Variants in HMGCLL1 observed in about 807,000 individuals in gnomAD.
HMGCLL1 encodes the protein 3-hydroxymethyl-3-methylglutaryl-CoA lyase, cytoplasmic.
A neutral mutation model predicts 39.1 loss-of-function variants in HMGCLL1; 36 were observed. The observed-to-expected ratio is 0.92, with a 90% CI of 0.71 to 1.22. The LOEUF is 1.22. Among genes scored for constraint, HMGCLL1 ranks in the 50% most tolerant of loss-of-function variants. The pLI is 0.00. For synonymous variants in HMGCLL1, 149 were observed against 144.0 expected, an observed-to-expected ratio of 1.03 and a Z score of -0.25; for missense variants, 451 against 416.5, an observed-to-expected ratio of 1.08 and a Z score of -0.72.
intron 4 of HMGCLL1, among the ~76,000 whole-genome samples, 167 bp from the exon 5 acceptor site, chr6:55,514,363 T>C (rs1439504183): frequency 2.0e-5 from 3 of 152,120 alleles, no homozygotes; most frequent in Non-Finnish European, 4.4e-5. Flanking sequence ...TCTTTCGAAA[T>C]GTAAAAATAT....
At position 55,481,100 on chromosome 6, in the gene HMGCLL1, G is replaced by A. The variant is rs561101603; in HGVS notation, c.795+14319C>T. On this transcript the variant is annotated intron_variant, in intron 7 of 8. Coordinates refer to ENST00000274901, the MANE Select transcript of HMGCLL1 (RefSeq NM_001042406.2). ...TACAGCCAACAATAATTTATTGCAG[G>A]CTGGGCACAGTGGCTCACGCCTAGA... Among the ~76,000 whole-genome samples, 105 of 152,262 alleles carry A rather than the reference G, an allele frequency of 6.9e-4. 1 individual carries two copies. Among genetic ancestry groups the A allele is most frequent in the African/African-American group, 2.5e-3 (104 of 41,562 alleles).
the HMGCLL1 span, among the ~76,000 whole-genome samples, chr6:55,675,072 T>C: frequency 6.6e-6 from 1 of 152,156 alleles, no homozygotes. Flanking sequence ...AGAAGTATTT[T>C]GTTGCATCAT....
In HMGCLL1 at chr6:55,435,505, C is replaced by T; in HGVS notation, c.*157G>A. 1 of 407,278 alleles carries T rather than the reference C, an allele frequency of 2.5e-6. No homozygotes were observed. The highest frequency in any genetic ancestry group is 4.2e-5 in the Admixed American group (1 of 23,890). 25.2% of individuals were successfully genotyped at this position (407,278 alleles called of 1,614,324 possible). A position where few individuals can be genotyped will look rare whatever the true frequency, so the allele number is the denominator to read the frequency against. ...GATGACTGATATTGCATTTTGTTGA[C>T]TTAATCTATCCAGTTATAATCTTTT... On this transcript the variant is annotated 3_prime_UTR_variant, in exon 9 of 9. Coordinates refer to ENST00000274901, the MANE Select transcript of HMGCLL1 (RefSeq NM_001042406.2).
rs779895198 is a variant in HMGCLL1, at chr6:55,495,399, A to T, written c.795+20T>A. 8.8e-6 allele frequency: 14 copies of T among 1,596,966 alleles called. No individual in the cohort carries two copies. Among genetic ancestry groups the T allele is most frequent in the Non-Finnish European group, 1.2e-5 (14 of 1,166,816 alleles). On this transcript the variant is annotated intron_variant, in intron 7 of 8. Coordinates refer to ENST00000274901, the MANE Select transcript of HMGCLL1 (RefSeq NM_001042406.2). ...TGAACACCCTATGCACACACATAAC[A>T]CACAAAGAGTACAAAATACCTGAAG...
intron 1 of HMGCLL1, chr6:55,576,957 A>T (rs192237232): frequency 9.2e-6 from 12 of 1,303,684 alleles, no homozygotes; most frequent in East Asian, 7.1e-5. Flanking sequence ...CAAGAGAAAT[A>T]GGGGAATGTA....
chr6:55,572,565 T>C (rs763272037), intron 1 of HMGCLL1, among the ~76,000 whole-genome samples: 2 of 152,242 alleles, frequency 1.3e-5, no homozygotes, highest in South Asian at 4.1e-4. Context: ...ATTTTTTCCA[T>C]ACAATATTTT....
chr6:55,670,376 C>T, the HMGCLL1 span, among the ~76,000 whole-genome samples: 1 of 151,722 alleles, frequency 6.6e-6, no homozygotes, highest in South Asian at 2.1e-4. Context: ...TCAGACAAAA[C>T]AGAAATTATA....
At position 55,515,253 on chromosome 6, in the gene HMGCLL1, G is replaced by GA. The variant is rs34439584; in HGVS notation, c.394-1058dup. Among the ~76,000 whole-genome samples the GA allele has an allele frequency of 4.0e-3, 535 of 134,676 alleles. 1 individual carries two copies. Among genetic ancestry groups the GA allele is most frequent in the South Asian group, 0.022 (91 of 4,088 alleles). The allele number at this position is 134,676 out of a possible 152,430, so 88.4% of individuals were successfully genotyped here. The stretch of plus-strand genomic sequence containing the variant: ...GGCGACAGAGCAAAGCTCCATCTCA[G>GA]AAAAAAAAAAAAAAATACATGGGGG... On this transcript the variant is annotated intron_variant, in intron 4 of 8. Coordinates refer to ENST00000274901, the MANE Select transcript of HMGCLL1 (RefSeq NM_001042406.2).
chr6:55,446,430 C>G (rs1763843648), intron 7 of HMGCLL1, among the ~76,000 whole-genome samples: 1 of 151,608 alleles, frequency 6.6e-6, no homozygotes, highest in African/African-American at 2.4e-5. Context: ...AACTCAATGG[C>G]CCAGGATACC....
chr6:55,671,372 G>A, the HMGCLL1 span, among the ~76,000 whole-genome samples: 4 of 151,884 alleles, frequency 2.6e-5, no homozygotes, highest in South Asian at 8.3e-4. Flanking sequence ...ACAGAAACGT[G>A]AGGTAATAAA....
chr6:55,439,151 A>G (rs1176481579), intron 8 of HMGCLL1, among the ~76,000 whole-genome samples: 1 of 152,110 alleles, frequency 6.6e-6, no homozygotes, highest in Admixed American at 6.6e-5. Flanking sequence ...CAACTCACAA[A>G]GTGTATAAAA....
chr6:55,565,546 T>C (rs1375459885), intron 1 of HMGCLL1, among the ~76,000 whole-genome samples: 1 of 152,108 alleles, frequency 6.6e-6, no homozygotes, highest in African/African-American at 2.4e-5. Context: ...CACTTTTTAA[T>C]TAAGACAAAT....
chr6:55,583,888 A>T (rs1485374598), upstream of HMGCLL1, among the ~76,000 whole-genome samples: 1 of 152,170 alleles, frequency 6.6e-6, no homozygotes, highest in African/African-American at 2.4e-5. Context: ...ATCATGCATG[A>T]TGACACTTGC....
intron 7 of HMGCLL1, among the ~76,000 whole-genome samples, chr6:55,494,424 G>C (rs557370218): frequency 2.6e-5 from 4 of 152,120 alleles, no homozygotes; most frequent in African/African-American, 9.7e-5. Context: ...AGAATACCTA[G>C]GGAAGGAAAA....
the HMGCLL1 span, among the ~76,000 whole-genome samples, chr6:55,629,957 C>T: frequency 6.6e-6 from 1 of 152,142 alleles, no homozygotes; most frequent in African/African-American, 2.4e-5. Context: ...TCTGCTAGGG[C>T]AGTGTGGAAG....
the HMGCLL1 span, among the ~76,000 whole-genome samples, chr6:55,661,779 CA>C: frequency 6.6e-6 from 1 of 151,786 alleles, no homozygotes; most frequent in African/African-American, 2.4e-5. Context: ...ATAGGAATAG[CA>C]TTGAATCTGT....
At chr6:55,652,144 G>A in the HMGCLL1 span, among the ~76,000 whole-genome samples, 1 of 152,068 alleles carries the variant, frequency 6.6e-6, no homozygotes, top group African/African-American at 2.4e-5. Context: ...GGGGAGGGGA[G>A]ATAAGTGATG....
At chr6:55,515,253 G>GAA (rs34439584) in intron 4 of HMGCLL1, among the ~76,000 whole-genome samples, 2 of 134,674 alleles carry the variant, frequency 1.5e-5, no homozygotes, top group Admixed American at 7.6e-5. Context: ...CTCCATCTCA[G>GAA]AAAAAAAAAA....
chr6:55,559,731 T>C (rs1208487011), intron 1 of HMGCLL1, among the ~76,000 whole-genome samples: 1 of 152,178 alleles, frequency 6.6e-6, no homozygotes, highest in African/African-American at 2.4e-5. Flanking sequence ...GATTGAATCT[T>C]ATGCTTGCAA....
Sources: allele counts gnomAD v4.1 joint callset (sites outside exome capture counted in the v4.1 genomes callset), GRCh38; gene constraint gnomAD v4.1.1; transcripts MANE v1.5; gene names NCBI Gene and HGNC (gene_info 2026-07-23, HGNC 2026-07-21).